PDE4D: variants seen among roughly 807,000 people sequenced by gnomAD.
PDE4D encodes 3',5'-cyclic-AMP phosphodiesterase 4D.
Under a neutral mutation model 87.4 loss-of-function variants are expected in PDE4D, and 24 were observed. That is an observed-to-expected ratio of 0.27 (90% CI 0.20 to 0.39). The LOEUF (loss-of-function observed/expected upper bound fraction) is 0.39. Among genes scored for constraint, PDE4D ranks in the 10% least tolerant of loss-of-function variants. PDE4D has a pLI of 1.00. For synonymous variants in PDE4D, 384 were observed against 383.2 expected (o/e 1.00, Z -0.02); for missense variants, 714 against 1,041.0 (o/e 0.69, Z 4.32).
chr5:59,810,984 G>A (rs913527458), intron 1 of PDE4D, among the ~76,000 whole-genome samples: 3 of 152,176 alleles, frequency 2.0e-5, no homozygotes, highest in Non-Finnish European at 4.4e-5. Flanking sequence ...TTGACATGAG[G>A]AGGCAGTATA....
At chr5:59,451,575 G>A (rs1402793533) in intron 1 of PDE4D, among the ~76,000 whole-genome samples, 1 of 152,134 alleles carries the variant, frequency 6.6e-6, no homozygotes, top group Non-Finnish European at 1.5e-5. Context: ...CAGTTGCTCT[G>A]TTTTGAATCC....
chr5:60,327,628 C>T (rs1039585075), intron 1 of PDE4D, among the ~76,000 whole-genome samples: 1 of 152,106 alleles, frequency 6.6e-6, no homozygotes, highest in South Asian at 2.1e-4. Context: ...CAAACAGAAA[C>T]GTGTATGTGC....
intron 2 of PDE4D, among the ~76,000 whole-genome samples, chr5:60,181,304 AT>A (rs376343420): frequency 6.6e-6 from 1 of 152,188 alleles, no homozygotes; most frequent in African/African-American, 2.4e-5. Flanking sequence ...AGTTTGTACA[AT>A]TTTTTAAAGT....
intron 2 of PDE4D, among the ~76,000 whole-genome samples, chr5:60,065,880 T>C (rs1772017169): frequency 6.6e-6 from 1 of 152,202 alleles, no homozygotes; most frequent in Non-Finnish European, 1.5e-5. Context: ...TTGTGAATAG[T>C]GCAGCTATAA....
intron 1 of PDE4D, among the ~76,000 whole-genome samples, chr5:60,429,637 C>T (rs1262883066): frequency 6.6e-6 from 1 of 152,086 alleles, no homozygotes; most frequent in Non-Finnish European, 1.5e-5. Context: ...GAGGTATGTC[C>T]TTCAATGCCT....
rs7736186 is a variant in PDE4D at position 58,974,667 on chromosome 5, C to T, written c.2427G>A (p.Thr809=). The change falls in exon 15 of 15, where the codon ACG becomes ACA. Residue 809 remains threonine, a synonymous_variant. Coordinates refer to ENST00000340635, the MANE Select transcript of PDE4D (RefSeq NM_001104631.2). ...ACVIDDRSPD[T] ...AGGCATGAAAGTTTTTGCACTGTTACGTGTCAGGAGAACGATCATCTATGA... is the reference window on the plus strand; with the variant it reads ...AGGCATGAAAGTTTTTGCACTGTTATGTGTCAGGAGAACGATCATCTATGA... 34,669 of 1,554,884 alleles carry T rather than the reference C, an allele frequency of 0.022. 451 individuals are homozygous for T. Among genetic ancestry groups the T allele is most frequent in the Non-Finnish European group, 0.027 (31,241 of 1,150,940 alleles).
At chr5:59,265,430 A>C (rs1416932788) in intron 1 of PDE4D, among the ~76,000 whole-genome samples, 1 of 152,022 alleles carries the variant, frequency 6.6e-6, no homozygotes, top group Admixed American at 6.6e-5. Flanking sequence ...GCTCTATATA[A>C]ATGCTTAATT....
At chr5:60,509,311 A>C (rs1355146650) in intron 1 of PDE4D, among the ~76,000 whole-genome samples, 1 of 152,206 alleles carries the variant, frequency 6.6e-6, no homozygotes, top group Non-Finnish European at 1.5e-5. Flanking sequence ...TGAGGGCTGA[A>C]ACACGATGGC....
At chr5:60,324,571 G>C (rs1254643842) in intron 1 of PDE4D, among the ~76,000 whole-genome samples, 2 of 152,258 alleles carry the variant, frequency 1.3e-5, no homozygotes, top group Non-Finnish European at 2.9e-5. Flanking sequence ...CCAGGAAGCA[G>C]AGGTTGCAGT....
chr5:59,014,044 A>C (rs919354659), intron 6 of PDE4D, among the ~76,000 whole-genome samples: 1 of 152,174 alleles, frequency 6.6e-6, no homozygotes, highest in African/African-American at 2.4e-5. Context: ...AAAGACAAAA[A>C]CCACATGATT....
At chr5:60,251,424 C>T (rs1326930371) in intron 1 of PDE4D, among the ~76,000 whole-genome samples, 1 of 151,856 alleles carries the variant, frequency 6.6e-6, no homozygotes, top group African/African-American at 2.4e-5. Context: ...GTGTTCTCAT[C>T]ATTTAGCTCC....
At chr5:59,012,976 G>A (rs1050942459) in intron 6 of PDE4D, among the ~76,000 whole-genome samples, 3 of 151,888 alleles carry the variant, frequency 2.0e-5, no homozygotes, top group African/African-American at 7.2e-5. Flanking sequence ...GTGCAAAGTA[G>A]AAGTTGGGAT....
intron 1 of PDE4D, among the ~76,000 whole-genome samples, chr5:60,384,164 A>C (rs1762049503): frequency 1.3e-5 from 2 of 152,230 alleles, no homozygotes; most frequent in African/African-American, 4.8e-5. Context: ...AACAGCAACT[A>C]GCTTAAAAGA....
intron 5 of PDE4D, among the ~76,000 whole-genome samples, chr5:59,064,469 T>C (rs985183681): frequency 2.0e-5 from 3 of 152,106 alleles, no homozygotes; most frequent in African/African-American, 7.2e-5. Context: ...GCAGCCCTGA[T>C]GCTGGTCCTG....
At chr5:59,030,531 G>T (rs1757193287) in intron 6 of PDE4D, among the ~76,000 whole-genome samples, 1 of 151,360 alleles carries the variant, frequency 6.6e-6, no homozygotes, top group Non-Finnish European at 1.5e-5. Context: ...TTGAGGCCAG[G>T]AATTCTAGAC....
chr5:60,107,085 G>A (rs1725835605), intron 2 of PDE4D, among the ~76,000 whole-genome samples: 1 of 151,874 alleles, frequency 6.6e-6, no homozygotes, highest in Non-Finnish European at 1.5e-5. Context: ...TTTTTGAAAA[G>A]ATCAACAAAA....
chr5:60,474,105 C>CATATATATATATGTGTAT lies in PDE4D; in HGVS notation c.-90+13836_-90+13837insATACACATATATATATAT, dbSNP rs1491252291. On this transcript the variant is annotated intron_variant, in intron 1 of 16. Transcript: ENST00000502484. ...TACTGTCTCAGTCCCTTTGAGCTGC[C>CATATATATATATGTGTAT]ATATATATATATATATATATATATA... 4.5e-3 allele frequency among the ~76,000 whole-genome samples: 138 copies of CATATATATATATGTGTAT among 31,000 alleles called. 7 individuals are homozygous for CATATATATATATGTGTAT. Among genetic ancestry groups the CATATATATATATGTGTAT allele is most frequent in the South Asian group, 0.018 (12 of 652 alleles). 20.3% of individuals were successfully genotyped at this position (31,000 alleles called of 152,430 possible).
In PDE4D at chr5:60,460,124, C is replaced by G. The variant is rs867044894; in HGVS notation, c.-90+27818G>C. On this transcript the variant is annotated intron_variant, in intron 1 of 16. Transcript: ENST00000502484. The stretch of plus-strand genomic sequence containing the variant: ...AACCAGGTAAAGAAGCTCTCTGGTT[C>G]CTCATGCTGCCTCTTCCTGCTGGCT... 2.9e-4 allele frequency: 468 copies of G among 1,601,648 alleles called. 1 individual carries two copies. The highest frequency in any genetic ancestry group is 1.8e-3 in the Middle Eastern group (8 of 4,420).
intron 1 of PDE4D, among the ~76,000 whole-genome samples, chr5:60,455,021 G>A (rs1394884893): frequency 1.3e-5 from 2 of 152,042 alleles, no homozygotes; most frequent in African/African-American, 2.4e-5. Flanking sequence ...TTTAGAGAAA[G>A]AGGAGAGAAT....
Sources: allele counts gnomAD v4.1 joint callset (sites outside exome capture counted in the v4.1 genomes callset), GRCh38; gene constraint gnomAD v4.1.1; transcripts MANE v1.5; gene names NCBI Gene and HGNC (gene_info 2026-07-23, HGNC 2026-07-21).